The following PKHD1 variants were observed in gnomAD, a reference collection of about 807,000 sequenced individuals.
PKHD1 encodes PKHD1 ciliary IPT domain containing fibrocystin/polyductin, also known as fibrocystin.
A neutral mutation model predicts 412.0 loss-of-function variants in PKHD1; 291 were observed. The observed-to-expected ratio is 0.71, with a 90% CI of 0.64 to 0.78. The LOEUF is 0.78. Among genes scored for constraint, PKHD1 ranks in the 30% least tolerant of loss-of-function variants. The pLI is 0.00. For missense variants in PKHD1, 4,825 were observed against 4,950.7 expected (o/e 0.97, Z 0.76); for synonymous variants, 1,777 against 1,821.5 (o/e 0.98, Z 0.62).
chr6:51,765,442 A>G (rs1040700710), intron 55 of PKHD1, among the ~76,000 whole-genome samples: 2 of 152,136 alleles, frequency 1.3e-5, no homozygotes, highest in African/African-American at 4.8e-5. Context: ...GGCACTTGCC[A>G]TATCAGACAA....
rs368300588 is a variant in PKHD1, at chr6:52,048,633, G to A, written c.2280-14C>T. 1.2e-6 allele frequency: 2 copies of A among 1,614,016 alleles called. No homozygotes were observed. Among genetic ancestry groups the A allele is most frequent in the Admixed American group, 1.7e-5 (1 of 60,030 alleles). Reference sequence around the variant, plus strand: ...GTGGGCACAGAGCTGTGGCACGTCAGAAACAAAGTATTAACGTCTGGGTTG... The same window carrying A: ...GTGGGCACAGAGCTGTGGCACGTCAAAAACAAAGTATTAACGTCTGGGTTG... On this transcript the variant is annotated splice_polypyrimidine_tract_variant and intron_variant, in intron 22 of 66. Transcript: ENST00000371117.
At position 51,627,088 on chromosome 6, in the gene PKHD1, G is replaced by C. The variant is rs748137674; in HGVS notation, c.11694C>G (p.Ser3898=). 6.2e-7 allele frequency: 1 copy of C among 1,610,988 alleles called. No individual in the cohort carries two copies. The highest frequency in any genetic ancestry group is 1.1e-5 in the South Asian group (1 of 90,992). ...TATGAATATTTTGATTATTAGTCTG[G>C]GATTCAGGAATCTCTTCAGGTTTTG... ...RKTKPEEIPE[S]QTNNQNIHIH... The change falls in exon 66 of 67, where the codon TCC becomes TCG. Residue 3898 remains serine (S), a synonymous_variant. Transcript: ENST00000371117.
chr6:51,744,068 G>A (rs1299241184), intron 60 of PKHD1, among the ~76,000 whole-genome samples: 1 of 152,246 alleles, frequency 6.6e-6, no homozygotes, highest in African/African-American at 2.4e-5. Context: ...CACTGAGCAT[G>A]ATGGCTGCTT....
In PKHD1 at chr6:51,982,317, G is replaced by A. The variant is rs1350221759; in HGVS notation, c.5752-22291C>T. 1.1e-4 allele frequency among the ~76,000 whole-genome samples: 8 copies of A among 75,134 alleles called. 1 individual carries two copies. The highest frequency in any genetic ancestry group is 3.7e-4 in the Admixed American group (2 of 5,446). 49.3% of individuals were successfully genotyped at this position (75,134 alleles called of 152,430 possible). A position where few individuals can be genotyped will look rare whatever the true frequency, so the allele number is the denominator to read the frequency against. ...ACCCCGTCTGGGAGGTGTGCCCAGC[G>A]GCTCACTGGGGATGGGCCATGATGA... On this transcript the variant is annotated intron_variant, in intron 35 of 66. Coordinates refer to ENST00000371117, the MANE Select transcript of PKHD1 (RefSeq NM_138694.4).
intron 52 of PKHD1, among the ~76,000 whole-genome samples, chr6:51,820,624 G>C (rs1766239609): frequency 6.6e-6 from 1 of 151,648 alleles, no homozygotes; most frequent in Non-Finnish European, 1.5e-5. Flanking sequence ...TTAGAGAATG[G>C]GTCTAGGCTT....
intron 52 of PKHD1, among the ~76,000 whole-genome samples, chr6:51,820,226 C>G (rs1197446303): frequency 6.6e-6 from 1 of 152,040 alleles, no homozygotes; most frequent in Non-Finnish European, 1.5e-5. Flanking sequence ...AATGAGACTT[C>G]TAGGCAAAAG....
intron 51 of PKHD1, among the ~76,000 whole-genome samples, chr6:51,832,791 T>C (rs1219433365): frequency 3.3e-5 from 5 of 152,132 alleles, no homozygotes; most frequent in African/African-American, 1.2e-4. Context: ...AGTTATTTTT[T>C]CTACCAGACC....
chr6:51,740,006 A>G, intron 60 of PKHD1: 1 of 518,984 alleles, frequency 1.9e-6, no homozygotes, highest in Non-Finnish European at 3.8e-6. Flanking sequence ...CATTAATTTC[A>G]ATGCTTTGTT....
At chr6:51,694,442 G>A (rs1778539353) in intron 60 of PKHD1, among the ~76,000 whole-genome samples, 1 of 151,314 alleles carries the variant, frequency 6.6e-6, no homozygotes, top group Non-Finnish European at 1.5e-5. Context: ...GGAATGCAGT[G>A]GCGTGATCTC....
intron 14 of PKHD1, among the ~76,000 whole-genome samples, chr6:52,061,427 C>G (rs922230871): frequency 1.3e-5 from 2 of 152,054 alleles, no homozygotes; most frequent in Admixed American, 1.3e-4. Context: ...TCTCAGCCTC[C>G]CAAGTAGATG....
At chr6:51,948,797 A>T (rs890761802) in intron 36 of PKHD1, among the ~76,000 whole-genome samples, 1 of 152,236 alleles carries the variant, frequency 6.6e-6, no homozygotes, top group Admixed American at 6.5e-5. Context: ...CTAGAATAAG[A>T]AACAAGATTC....
In PKHD1 at chr6:52,025,100, G is replaced by A; in HGVS notation, c.4710C>T (p.Tyr1570=). 4 of 1,614,156 alleles carry A rather than the reference G, an allele frequency of 2.5e-6. No homozygotes were observed. Among genetic ancestry groups the A allele is most frequent in the Non-Finnish European group, 3.4e-6 (4 of 1,180,010 alleles). The change falls in exon 32 of 67, where the codon TAC becomes TAT. Residue 1570 remains tyrosine, a synonymous_variant. Transcript: ENST00000371117. ...ACSGNVSRHF[Y]IMPQVFHYFP... The stretch of plus-strand genomic sequence containing the variant: ...AATAATGAAACACTTGGGGCATAAT[G>A]TAGAAGTGTCTGGAAACATTACCAG...
At chr6:51,758,898 G>T (rs1283625661) in intron 55 of PKHD1, among the ~76,000 whole-genome samples, 2 of 152,062 alleles carry the variant, frequency 1.3e-5, no homozygotes, top group African/African-American at 2.4e-5. Context: ...AGACATTCAC[G>T]TGTAAACACC....
chr6:51,861,975 G>T (rs1774272276), intron 48 of PKHD1, among the ~76,000 whole-genome samples: 1 of 152,194 alleles, frequency 6.6e-6, no homozygotes, highest in Admixed American at 6.5e-5. Flanking sequence ...CGAGAACACT[G>T]TTATTGAAGC....
chr6:51,960,201 A>G (rs1050248203), intron 35 of PKHD1, among the ~76,000 whole-genome samples, 175 bp from the exon 36 acceptor site: 3 of 152,108 alleles, frequency 2.0e-5, no homozygotes, highest in Admixed American at 6.5e-5. Context: ...TAATTTAAAT[A>G]TTTTAAATGT....
chr6:51,731,462 T>C (rs888028439), intron 60 of PKHD1, among the ~76,000 whole-genome samples: 4 of 152,222 alleles, frequency 2.6e-5, no homozygotes, highest in Non-Finnish European at 5.9e-5. Context: ...AAAATCTTGA[T>C]GCTTTGGTTG....
At chr6:51,624,862 C>A (rs908938895) in intron 66 of PKHD1, among the ~76,000 whole-genome samples, 1 of 152,190 alleles carries the variant, frequency 6.6e-6, no homozygotes, top group African/African-American at 2.4e-5. Context: ...CAGATTTAAA[C>A]CCAGTCTGTT....
At chr6:51,654,308 G>C (rs2661499) in intron 61 of PKHD1, among the ~76,000 whole-genome samples, 1 of 152,104 alleles carries the variant, frequency 6.6e-6, no homozygotes, top group African/African-American at 2.4e-5. Context: ...TAATAGATAC[G>C]GAATGAGATT....
intron 27 of PKHD1, among the ~76,000 whole-genome samples, chr6:52,039,940 C>T (rs1043205132): frequency 6.6e-6 from 1 of 152,138 alleles, no homozygotes; most frequent in East Asian, 1.9e-4. Flanking sequence ...GAATAAAGTA[C>T]TGATACATGT....
Sources: allele counts gnomAD v4.1 joint callset (sites outside exome capture counted in the v4.1 genomes callset), GRCh38; gene constraint gnomAD v4.1.1; transcripts MANE v1.5; gene names NCBI Gene and HGNC (gene_info 2026-07-23, HGNC 2026-07-21).